The following REV1 variants were observed in gnomAD, a reference collection of about 807,000 sequenced individuals.
REV1 encodes the protein translesion synthesis protein REV1.
In REV1, 42 loss-of-function variants were observed where a neutral mutation model predicts 137.4. That is an observed-to-expected ratio of 0.31 (90% CI 0.24 to 0.40). The LOEUF (loss-of-function observed/expected upper bound fraction) is 0.40, where lower values mean the gene tolerates loss of function less well. Ranked by LOEUF, REV1 falls within the 10% of genes least tolerant of loss-of-function variation. The pLI is 1.00. For missense variants in REV1, 1,282 were observed against 1,490.1 expected (o/e 0.86, Z 2.30); for synonymous variants, 524 against 519.2 (o/e 1.01, Z -0.12).
chr2:99,451,262 T>C (rs1379411059), intron 3 of REV1: 2 of 825,298 alleles, frequency 2.4e-6, no homozygotes, highest in South Asian at 3.6e-5. Context: ...ATGACTTAAA[T>C]AGAAAACGGC....
chr2:99,475,563 TAG>T (rs1161486614), intron 1 of REV1, among the ~76,000 whole-genome samples: 2 of 152,314 alleles, frequency 1.3e-5, no homozygotes, highest in African/African-American at 4.8e-5. Flanking sequence ...TGACAAATTC[TAG>T]AGTCTTTTGC....
At chr2:99,437,859 T>C (rs1387578340) in intron 6 of REV1, among the ~76,000 whole-genome samples, 1 of 152,068 alleles carries the variant, frequency 6.6e-6, no homozygotes, top group African/African-American at 2.4e-5. Flanking sequence ...CAGTAAAACA[T>C]AACAGAAAAC....
intron 10 of REV1, among the ~76,000 whole-genome samples, chr2:99,423,279 G>C (rs1011755108): frequency 6.6e-6 from 1 of 152,194 alleles, no homozygotes; most frequent in Non-Finnish European, 1.5e-5. Flanking sequence ...AAAAGGAAGA[G>C]GCAGAGGTGA....
chr2:99,462,678 T>C (rs1292329929), intron 2 of REV1, 56 bp from the exon 3 acceptor site: 14 of 1,561,592 alleles, frequency 9.0e-6, no homozygotes, highest in East Asian at 6.8e-5. Context: ...TCCCCCCTTT[T>C]TTGAAAAAAA....
intron 21 of REV1, 45 bp downstream of exon 21, chr2:99,402,596 AGAC>A (rs28382973): frequency 0.013 from 20,256 of 1,551,216 alleles, 156 homozygotes; most frequent in Middle Eastern, 0.016. Context: ...TCAAATCATG[AGAC>A]GACTACATCT....
In REV1 at chr2:99,401,006, C is replaced by A; in HGVS notation, c.*235G>T. 1 of 303,378 alleles carries A rather than the reference C, an allele frequency of 3.3e-6. No individual in the cohort carries two copies. Among genetic ancestry groups the A allele is most frequent in the Admixed American group, 4.4e-5 (1 of 22,586 alleles). The allele number at this position is 303,378 out of a possible 1,614,324, so 18.8% of individuals were successfully genotyped here. Reference sequence around the variant, plus strand: ...CACTTCACTGTAAAAATCCATAAAACTTTATAAACAAACATTTTGTAAATA... The same window carrying A: ...CACTTCACTGTAAAAATCCATAAAAATTTATAAACAAACATTTTGTAAATA... On this transcript the variant is annotated 3_prime_UTR_variant, in exon 23 of 23. Coordinates refer to ENST00000258428, the MANE Select transcript of REV1 (RefSeq NM_016316.4).
At chr2:99,401,939 G>A (rs777210484) in intron 22 of REV1, among the ~76,000 whole-genome samples, 23 of 152,098 alleles carry the variant, frequency 1.5e-4, no homozygotes, top group Non-Finnish European at 8.8e-5. Flanking sequence ...GTAGAGATGG[G>A]GTTATGCCAT....
chr2:99,403,051 G>C lies in REV1; in HGVS notation c.3222C>G (p.Asn1074Lys), dbSNP rs3087393. The C allele has an allele frequency of 1.7e-5, 28 of 1,612,210 alleles. No individual in the cohort carries two copies. The highest frequency in any genetic ancestry group is 6.7e-5 in the Admixed American group (4 of 59,824). ...LKAAVKEKKR[N>K]KKKKTIGSPK... The stretch of plus-strand genomic sequence containing the variant: ...GTGAACCAATGGTTTTTTTCTTCTT[G>C]TTTCTTTTCTTTTCTTTCACTGCTG... The change falls in exon 20 of 23, where the codon AAC becomes AAG. Residue 1074 changes from asparagine (N) to lysine (K), a missense_variant. Transcript: ENST00000258428.
rs1254882834 is a variant in REV1 at position 99,410,719 on chromosome 2, T to C, written c.2321A>G (p.His774Arg). ...APVETAKFGG[H>R]GICDNIARTV... ...CCTGGCAATGTTATCACAAATTCCA[T>C]GGCCTCCAAATTTTGCAGTTTCTAC... The change falls in exon 14 of 23, where the codon CAT (histidine) becomes CGT (arginine). Residue 774 changes from histidine (H) to arginine (R), a missense_variant. Physicochemically the swap from His to Arg is conservative, Grantham distance 29. Coordinates refer to ENST00000258428, the MANE Select transcript of REV1 (RefSeq NM_016316.4). The C allele has an allele frequency of 3.1e-6, 5 of 1,593,834 alleles. No homozygotes were observed. Among genetic ancestry groups the C allele is most frequent in the Non-Finnish European group, 4.3e-6 (5 of 1,174,822 alleles).
intron 21 of REV1, 41 bp downstream of exon 21, chr2:99,402,603 T>A: frequency 6.3e-7 from 1 of 1,576,098 alleles, no homozygotes; most frequent in Non-Finnish European, 8.7e-7. Flanking sequence ...ATGAGACGAC[T>A]ACATCTCAGC....
intron 4 of REV1, among the ~76,000 whole-genome samples, chr2:99,444,109 C>A (rs185984760): frequency 1.1e-4 from 16 of 152,170 alleles, no homozygotes; most frequent in Non-Finnish European, 2.1e-4. Flanking sequence ...TGTGAGCCAC[C>A]GCGCCCAGCC....
At chr2:99,460,105 T>A (rs962327689) in intron 3 of REV1, among the ~76,000 whole-genome samples, 1 of 152,218 alleles carries the variant, frequency 6.6e-6, no homozygotes, top group African/African-American at 2.4e-5. Context: ...ATTTTCTTTT[T>A]TTCACTCTAT....
intron 3 of REV1, among the ~76,000 whole-genome samples, chr2:99,459,727 C>T (rs997703775): frequency 7.2e-5 from 11 of 151,966 alleles, no homozygotes; most frequent in African/African-American, 2.7e-4. Flanking sequence ...ACAAACAAAA[C>T]AAACAAAAAG....
rs1313616866 is a variant in REV1, at chr2:99,404,466, A to G, written c.3023T>C (p.Ile1008Thr). Residue 1008 changes from isoleucine to threonine, a missense_variant, in exon 18 of 23, where the codon ATA (isoleucine) becomes ACA (threonine). Physicochemically the swap from Ile to Thr is moderately conservative, Grantham distance 89. This residue lies in a region of REV1 where 23 missense variants were observed against 46.3 expected (regional missense o/e 0.50). Coordinates refer to ENST00000258428, the MANE Select transcript of REV1 (RefSeq NM_016316.4). ...TACCTGTGAAAATGCTGGAAGGGCT[A>G]TTAAATTTATTCCTGCGTCACTGTT... is the stretch of plus-strand genomic sequence containing the variant. The part of the protein sequence containing the change: ...ESNSDAGINL[I>T]ALPAFSQVDP... 1 of 1,613,934 alleles carries G rather than the reference A, an allele frequency of 6.2e-7. No homozygotes were observed. The highest frequency in any genetic ancestry group is 8.5e-7 in the Non-Finnish European group (1 of 1,179,966).
In REV1 at chr2:99,403,485, G is replaced by A. The variant is rs1675806545; in HGVS notation, c.3166+210C>T. ...TCCAACTTTTTAAAAAGTAAAAAGT[G>A]GTGTGTTTAAATCCTGAAAGTACAG... is the stretch of plus-strand genomic sequence containing the variant. On this transcript the variant is annotated intron_variant, in intron 19 of 22. Coordinates refer to ENST00000258428, the MANE Select transcript of REV1 (RefSeq NM_016316.4). 11 of 646,282 alleles carry A rather than the reference G, an allele frequency of 1.7e-5. No homozygotes were observed. In the East Asian group the frequency reaches 3.0e-4, roughly 18 times the overall value. 40.0% of individuals were successfully genotyped at this position (646,282 alleles called of 1,614,324 possible).
chr2:99,423,855 C>T (rs1679000871), intron 10 of REV1, among the ~76,000 whole-genome samples: 1 of 152,176 alleles, frequency 6.6e-6, no homozygotes, highest in African/African-American at 2.4e-5. Flanking sequence ...ATCTATCTGG[C>T]TCCATGGGAA....
intron 6 of REV1, among the ~76,000 whole-genome samples, chr2:99,436,358 T>C (rs899672091): frequency 2.6e-5 from 4 of 152,164 alleles, no homozygotes; most frequent in African/African-American, 7.2e-5. Context: ...TTTATGTGTA[T>C]GTATTTATTT....
chr2:99,400,655 T>A lies in REV1; in HGVS notation c.*586A>T, dbSNP rs1359368112. ...GGACATAATGTTCCCAGGAAAAAAA[T>A]CTTCAAGTGGGTGTGAGGGTGTTTC... On this transcript the variant is annotated 3_prime_UTR_variant, in exon 23 of 23. Coordinates refer to ENST00000258428, the MANE Select transcript of REV1 (RefSeq NM_016316.4). The A allele has an allele frequency of 6.6e-6, 1 of 152,002 alleles. No homozygotes were observed. The highest frequency in any genetic ancestry group is 2.4e-5 in the African/African-American group (1 of 41,374). 9.4% of individuals were successfully genotyped at this position (152,002 alleles called of 1,614,324 possible).
rs988960741 is a variant in REV1, at chr2:99,430,047, T to G, written c.1439-99A>C. 7.7e-6 allele frequency: 5 copies of G among 648,240 alleles called. No individual in the cohort carries two copies. The African/African-American group carries it at 9.4e-5, about 12-fold the overall frequency. The allele number at this position is 648,240 out of a possible 1,614,324, so 40.2% of individuals were successfully genotyped here. A position where few individuals can be genotyped will look rare whatever the true frequency, so the allele number is the denominator to read the frequency against. On this transcript the variant is annotated intron_variant, in intron 8 of 22. Transcript: ENST00000258428. Reference sequence around the variant, plus strand: ...TTCCATTACTTTCATATAAAAATGTTCAGTAAATTCCAAATACAGTTATCT... The same window carrying G: ...TTCCATTACTTTCATATAAAAATGTGCAGTAAATTCCAAATACAGTTATCT...
Sources: gnomAD v4.1 joint callset for allele counts (sites outside exome capture counted in the v4.1 genomes callset) on GRCh38, gnomAD v4.1.1 for gene constraint, gnomAD v4.1.1 regional missense constraint, MANE v1.5 for transcripts, NCBI Gene and HGNC (gene_info 2026-07-23, HGNC 2026-07-21) for gene names.